The following LY9 variants were observed in gnomAD, a reference collection of about 807,000 sequenced individuals.
LY9 encodes T-lymphocyte surface antigen Ly-9.
In LY9, 59 loss-of-function variants were observed where a neutral mutation model predicts 64.6. That is an observed-to-expected ratio of 0.91 (90% CI 0.74 to 1.13). The LOEUF is 1.13. LY9 is among the 50% of genes most tolerant of loss of function. LY9 has a pLI of 0.00. For synonymous variants in LY9, 281 were observed against 308.5 expected (o/e 0.91, Z 0.93); for missense variants, 789 against 797.2 (o/e 0.99, Z 0.12).
At chr1:160,802,126 C>T (rs1010924677) in intron 2 of LY9, 1 of 1,356,708 alleles carries the variant, frequency 7.4e-7, no homozygotes. Context: ...CTTGGAGACT[C>T]CTGGTCTGTG....
intron 7 of LY9, 22 bp from the exon 8 acceptor site, chr1:160,823,443 A>T (rs758790747): frequency 6.4e-7 from 1 of 1,569,978 alleles, no homozygotes; most frequent in Non-Finnish European, 8.7e-7. Context: ...TACTTTTATC[A>T]GCCCTGCACA....
intron 2 of LY9, chr1:160,809,650 A>G (rs1667314368): frequency 6.6e-6 from 1 of 151,670 alleles, no homozygotes; most frequent in South Asian, 2.1e-4. Flanking sequence ...GCACCACTGC[A>G]CCTAGCTTAG....
At chr1:160,810,391 C>G (rs1667375536) in intron 2 of LY9, 1 of 152,216 alleles carries the variant, frequency 6.6e-6, no homozygotes, top group Non-Finnish European at 1.5e-5. Context: ...GGACCTCTCT[C>G]TTCGGCTTGT....
chr1:160,825,173 A>T (rs1209545820), intron 9 of LY9, among the ~76,000 whole-genome samples: 1 of 151,780 alleles, frequency 6.6e-6, no homozygotes, highest in Non-Finnish European at 1.5e-5. Context: ...ATGCCACTGA[A>T]ATCTAGCCTG....
intron 2 of LY9, chr1:160,813,116 C>T (rs995936102): frequency 6.2e-6 from 1 of 161,894 alleles, no homozygotes; most frequent in Admixed American, 5.7e-5. Context: ...GAAACATTCA[C>T]ACATGTGCAC....
At chr1:160,809,786 A>T (rs1323726098) in intron 2 of LY9, 4 of 152,170 alleles carry the variant, frequency 2.6e-5, no homozygotes, top group Non-Finnish European at 5.9e-5. Context: ...ATTGTCAAAC[A>T]TTTCTTTGTT....
At chr1:160,797,410 C>A in intron 1 of LY9, 1 of 402,738 alleles carries the variant, frequency 2.5e-6, no homozygotes, top group Non-Finnish European at 3.4e-6. Context: ...GACCTCTTTT[C>A]ACTTTCAATT....
Position 160,796,203 on chromosome 1 carries a change from A to T in LY9, c.16A>T (p.Ser6Cys), listed in dbSNP as rs763892243. 1 of 1,613,978 alleles carries T rather than the reference A, an allele frequency of 6.2e-7. No homozygotes were observed. The highest frequency in any genetic ancestry group is 8.5e-7 in the Non-Finnish European group (1 of 1,180,012). Residue 6 changes from serine (S) to cysteine (C), a missense_variant, in exon 1 of 10, where the codon AGT (serine) becomes TGT (cysteine). Ser to Cys is a moderately radical substitution (Grantham distance 112). Transcript: ENST00000263285. Reference protein sequence around the residue: MVAPKSHTDDWAPGPF... With the variant: MVAPKCHTDDWAPGPF... ...ATAGATCATCATGGTGGCACCAAAG[A>T]GTCACACAGATGACTGGGCTCCTGG...
At chr1:160,802,363 G>A in intron 2 of LY9, 4 of 987,946 alleles carry the variant, frequency 4.0e-6, no homozygotes, top group Non-Finnish European at 4.8e-6. Flanking sequence ...TGCTGGCTGC[G>A]GCCCCCTCTC....
chr1:160,796,532 A>G (rs1043199172), intron 1 of LY9, among the ~76,000 whole-genome samples: 13 of 152,154 alleles, frequency 8.5e-5, no homozygotes, highest in African/African-American at 3.1e-4. Flanking sequence ...AGCTGGGATT[A>G]CAGGTGCATG....
chr1:160,821,011 G>C (rs941703006), intron 7 of LY9, among the ~76,000 whole-genome samples: 18 of 151,626 alleles, frequency 1.2e-4, no homozygotes, highest in African/African-American at 4.4e-4. Context: ...AAATTAGCCA[G>C]GCATGGTGGC....
rs368740551 is a variant in LY9, at chr1:160,799,745, C to A, written c.125-8C>A. 1.9e-6 allele frequency: 3 copies of A among 1,591,172 alleles called. No homozygotes were observed. The highest frequency in any genetic ancestry group is 2.6e-6 in the Non-Finnish European group (3 of 1,164,482). On this transcript the variant is annotated splice_region_variant and splice_polypyrimidine_tract_variant and intron_variant, in intron 1 of 9. Coordinates refer to ENST00000263285, the MANE Select transcript of LY9 (RefSeq NM_002348.4). Reference sequence around the variant, plus strand: ...CTGCTCCTCCAAGTCCCTCTTCTATCTCTGCAGGACTAAGAGCCTCTGGAA... The same window carrying A: ...CTGCTCCTCCAAGTCCCTCTTCTATATCTGCAGGACTAAGAGCCTCTGGAA...
At chr1:160,804,936 T>C (rs1253536088) in intron 2 of LY9, among the ~76,000 whole-genome samples, 2 of 152,248 alleles carry the variant, frequency 1.3e-5, no homozygotes, top group Admixed American at 6.5e-5. Flanking sequence ...ATTCCTGTAA[T>C]GTCAGTTGTA....
intron 1 of LY9, chr1:160,797,060 G>A (rs1665953325): frequency 1.0e-6 from 1 of 964,518 alleles, no homozygotes; most frequent in Non-Finnish European, 1.2e-6. Flanking sequence ...GGGCAAGGTG[G>A]CGTTTATCTG....
chr1:160,825,391 T>G (rs1344881228), intron 9 of LY9, among the ~76,000 whole-genome samples: 2 of 152,138 alleles, frequency 1.3e-5, no homozygotes, highest in African/African-American at 4.8e-5. Context: ...AGAAACAGAT[T>G]CAAGGAAGTT....
chr1:160,813,623 G>A lies in LY9; in HGVS notation c.455-13G>A, dbSNP rs1328383491. 1 of 1,609,492 alleles carries A rather than the reference G, an allele frequency of 6.2e-7. No individual in the cohort carries two copies. On this transcript the variant is annotated splice_polypyrimidine_tract_variant and intron_variant, in intron 2 of 9. Transcript: ENST00000263285. ...AAGGATCTGAGCATCTTCCCATGCT[G>A]TTGTCCCTGCAGAGCAGCTGCAGGA...
intron 4 of LY9, among the ~76,000 whole-genome samples, chr1:160,816,036 G>A (rs1667923201): frequency 6.6e-6 from 1 of 152,190 alleles, no homozygotes; most frequent in Non-Finnish European, 1.5e-5. Context: ...AGTCGGCCAA[G>A]TCCATGCCTA....
At chr1:160,811,640 G>C (rs1037834792) in intron 2 of LY9, 1 of 152,130 alleles carries the variant, frequency 6.6e-6, no homozygotes, top group African/African-American at 2.4e-5. Context: ...AGAATACAAC[G>C]TGGCCGAGTT....
intron 2 of LY9, among the ~76,000 whole-genome samples, chr1:160,800,923 G>C (rs985527597): frequency 1.3e-5 from 2 of 152,198 alleles, no homozygotes; most frequent in African/African-American, 4.8e-5. Flanking sequence ...ATAAATACAT[G>C]TATGTATGTG....
Sources: allele counts gnomAD v4.1 joint callset (sites outside exome capture counted in the v4.1 genomes callset), GRCh38; gene constraint gnomAD v4.1.1; transcripts MANE v1.5; gene names NCBI Gene and HGNC (gene_info 2026-07-23, HGNC 2026-07-21).